MXD1: variants seen among roughly 807,000 people sequenced by gnomAD.
MXD1 encodes the protein MAX-binding protein.
In MXD1, 9 loss-of-function variants were observed where a neutral mutation model predicts 25.7. The observed-to-expected ratio is 0.35, with a 90% CI of 0.21 to 0.61. The LOEUF (loss-of-function observed/expected upper bound fraction) is 0.61, where lower values mean the gene tolerates loss of function less well. Ranked by LOEUF, MXD1 falls within the 20% of genes least tolerant of loss-of-function variation. MXD1 has a pLI of 0.75. For synonymous variants in MXD1, 99 were observed against 113.9 expected (o/e 0.87, Z 0.83); for missense variants, 227 against 292.4 (o/e 0.78, Z 1.63).
chr2:69,916,279 C>A, intron 2 of MXD1, 59 bp downstream of exon 2: 1 of 1,027,800 alleles, frequency 9.7e-7, no homozygotes, highest in Admixed American at 2.0e-5. Flanking sequence ...ACACAAACTG[C>A]TGAATGTAAG....
At chr2:69,922,879 C>CAAAAAAAAAAAAAAAA (rs34830116) in intron 3 of MXD1, among the ~76,000 whole-genome samples, 1 of 115,088 alleles carries the variant, frequency 8.7e-6, no homozygotes, top group Non-Finnish European at 1.9e-5. Context: ...GACTCCGTCT[C>CAAAAAAAAAAAAAAAA]AAAAAAAAAA....
chr2:69,942,792 C>G lies in MXD1; in HGVS notation c.*4508C>G, dbSNP rs1677641051. ...ATGTAAATATGACGCCAATGTAAAT[C>G]CTGTGTCAAGATCATAGAGAATGGT... On this transcript the variant is annotated 3_prime_UTR_variant, in exon 6 of 6. Coordinates refer to ENST00000264444, the MANE Select transcript of MXD1 (RefSeq NM_002357.4). The G allele has an allele frequency of 6.6e-6, 1 of 152,184 alleles. No individual in the cohort carries two copies. Among genetic ancestry groups the G allele is most frequent in the African/African-American group, 2.4e-5 (1 of 41,428 alleles). 9.4% of individuals were successfully genotyped at this position (152,184 alleles called of 1,614,324 possible). A position where few individuals can be genotyped will look rare whatever the true frequency, so the allele number is the denominator to read the frequency against.
rs1677471487 is a variant in MXD1 at position 69,937,250 on chromosome 2, G to A, written c.334G>A (p.Asp112Asn). 13 of 1,613,850 alleles carry A rather than the reference G, an allele frequency of 8.1e-6. No individual in the cohort carries two copies. Among genetic ancestry groups the A allele is most frequent in the African/African-American group, 1.3e-5 (1 of 75,044 alleles). ...KLHIKKLEDC[D>N]RKAVHQIDQL... ...TGACTTGCAGAAACTTGAAGATTGT[G>A]ACAGAAAAGCCGTTCACCAAATCGA... The change falls in exon 5 of 6, where the codon GAC (aspartate) becomes AAC (asparagine). Residue 112 changes from aspartate (D) to asparagine (N), a missense_variant. Coordinates refer to ENST00000264444, the MANE Select transcript of MXD1 (RefSeq NM_002357.4).
intron 3 of MXD1, 97 bp from the exon 4 acceptor site, chr2:69,935,254 C>A: frequency 1.2e-6 from 1 of 822,638 alleles, no homozygotes; most frequent in Non-Finnish European, 2.1e-6. Flanking sequence ...CATCGCAAGG[C>A]CTGGGCAACT....
At chr2:69,933,219 A>C (rs541120546) in intron 3 of MXD1, among the ~76,000 whole-genome samples, 1,827 of 150,762 alleles carry the variant, frequency 0.012, 29 homozygotes, top group Non-Finnish European at 0.02. Flanking sequence ...AAAAAAAAAA[A>C]AAAAACAAAA....
chr2:69,926,722 A>T (rs1241428372), intron 3 of MXD1, among the ~76,000 whole-genome samples: 1 of 152,232 alleles, frequency 6.6e-6, no homozygotes, highest in Admixed American at 6.5e-5. Context: ...TTGTTGTTAC[A>T]TACCCTTTAT....
chr2:69,920,769 G>A (rs1677050432), intron 2 of MXD1, among the ~76,000 whole-genome samples: 1 of 152,142 alleles, frequency 6.6e-6, no homozygotes, highest in Non-Finnish European at 1.5e-5. Flanking sequence ...TATAATACTG[G>A]TAGCTTCTTC....
chr2:69,926,685 G>T (rs1348872152), intron 3 of MXD1, among the ~76,000 whole-genome samples: 2 of 152,104 alleles, frequency 1.3e-5, no homozygotes, highest in Non-Finnish European at 2.9e-5. Flanking sequence ...ATTGATTATT[G>T]TTGGAATATA....
chr2:69,919,291 A>C (rs1244218820), intron 2 of MXD1, among the ~76,000 whole-genome samples: 2 of 152,262 alleles, frequency 1.3e-5, no homozygotes, highest in South Asian at 2.1e-4. Flanking sequence ...CCTTGTCTAC[A>C]GTTAAAGAGG....
rs571168502 is a variant in MXD1, at chr2:69,916,125, T to C, written c.78T>C (p.Ala26=). The stretch of plus-strand genomic sequence containing the variant: ...CTGGATCCTCCTGTTTTCTAGAAGC[T>C]GAACATGGTTATGCCTCCATGTTAC... ...ADYLERRERE[A]EHGYASMLPY... Residue 26 remains alanine (A), a synonymous_variant, in exon 2 of 6, where the codon GCT becomes GCC. Transcript: ENST00000264444. 19 of 1,603,842 alleles carry C rather than the reference T, an allele frequency of 1.2e-5. No individual in the cohort carries two copies. In the South Asian group the frequency reaches 1.5e-4, roughly 13 times the overall value.
At chr2:69,916,089 C>T (rs754666251) in intron 1 of MXD1, 32 bp from the exon 2 acceptor site, 1 of 1,177,870 alleles carries the variant, frequency 8.5e-7, no homozygotes. Context: ...TATTCTGGGC[C>T]CATTCATTAA....
At chr2:69,918,337 A>G (rs1183178891) in intron 2 of MXD1, among the ~76,000 whole-genome samples, 3 of 152,182 alleles carry the variant, frequency 2.0e-5, no homozygotes, top group African/African-American at 7.2e-5. Context: ...CACATAGGAA[A>G]CTTCTTGGGA....
At position 69,940,964 on chromosome 2, in the gene MXD1, A is replaced by T. The variant is rs1223929177; in HGVS notation, c.*2680A>T. 6.6e-6 allele frequency: 1 copy of T among 152,632 alleles called. No individual in the cohort carries two copies. 9.5% of individuals were successfully genotyped at this position (152,632 alleles called of 1,614,324 possible). A position where few individuals can be genotyped will look rare whatever the true frequency, so the allele number is the denominator to read the frequency against. ...TCCACCAGCCTGACTGCTAAGAGCT[A>T]TAGTCTTTTTAGTTGTTTTGTCTTT... On this transcript the variant is annotated 3_prime_UTR_variant, in exon 6 of 6. Coordinates refer to ENST00000264444, the MANE Select transcript of MXD1 (RefSeq NM_002357.4).
rs894127057 is a variant in MXD1, at chr2:69,942,267, A to G, written c.*3983A>G. ...ACCCTTTTCGATGAGGTGGTTTCTC[A>G]TTCTACATCCTCTGATCTCTATAGA... On this transcript the variant is annotated 3_prime_UTR_variant, in exon 6 of 6. Transcript: ENST00000264444. 3 of 152,184 alleles carry G rather than the reference A, an allele frequency of 2.0e-5. No individual in the cohort carries two copies. Among genetic ancestry groups the G allele is most frequent in the Admixed American group, 6.5e-5 (1 of 15,280 alleles). The allele number at this position is 152,184 out of a possible 1,614,324, so 9.4% of individuals were successfully genotyped here. A position where few individuals can be genotyped will look rare whatever the true frequency, so the allele number is the denominator to read the frequency against.
chr2:69,933,200 C>CAAAAAAAAAAAAAA (rs59201689), intron 3 of MXD1, among the ~76,000 whole-genome samples: 6 of 80,154 alleles, frequency 7.5e-5, no homozygotes, highest in South Asian at 4.3e-4. Flanking sequence ...AACTCTGTCT[C>CAAAAAAAAAAAAAA]AAAAAAAAAA....
chr2:69,928,696 T>C (rs2104185495), intron 3 of MXD1, among the ~76,000 whole-genome samples: 1 of 132,320 alleles, frequency 7.6e-6, no homozygotes, highest in Non-Finnish European at 1.6e-5. Flanking sequence ...GTGAGACCCA[T>C]CTGTACCAAA....
chr2:69,919,715 CA>C (rs1486330452), intron 2 of MXD1, among the ~76,000 whole-genome samples: 1 of 152,110 alleles, frequency 6.6e-6, no homozygotes, highest in Non-Finnish European at 1.5e-5. Flanking sequence ...GCTTTAGAGC[CA>C]AAGGTTTGCA....
intron 3 of MXD1, among the ~76,000 whole-genome samples, chr2:69,933,200 C>CAAAAAAAAA (rs59201689): frequency 3.7e-5 from 3 of 80,142 alleles, no homozygotes; most frequent in Admixed American, 1.8e-4. Flanking sequence ...AACTCTGTCT[C>CAAAAAAAAA]AAAAAAAAAA....
At chr2:69,918,319 G>A (rs1424421633) in intron 2 of MXD1, among the ~76,000 whole-genome samples, 3 of 152,148 alleles carry the variant, frequency 2.0e-5, no homozygotes, top group Admixed American at 1.3e-4. Flanking sequence ...TAAAAGATAA[G>A]ATTTTGCCAC....
Sources: gnomAD v4.1 joint callset for allele counts (sites outside exome capture counted in the v4.1 genomes callset) on GRCh38, gnomAD v4.1.1 for gene constraint, MANE v1.5 for transcripts, NCBI Gene and HGNC (gene_info 2026-07-23, HGNC 2026-07-21) for gene names.